The following ZNF782 variants were observed in gnomAD, a reference collection of about 807,000 sequenced individuals.
ZNF782 encodes zinc finger protein 782.
ZNF782 carries 12 observed loss-of-function variants against 13.0 expected under a neutral mutation model. That is an observed-to-expected ratio of 0.92 (90% CI 0.59 to 1.50). ZNF782 has a LOEUF of 1.50. Among genes scored for constraint, ZNF782 ranks in the 40% most tolerant of loss-of-function variants. The pLI, the probability that ZNF782 is intolerant of heterozygous loss-of-function variation, is 0.00. For missense variants in ZNF782, 770 were observed against 822.9 expected, an observed-to-expected ratio of 0.94 and a Z score of 0.79; for synonymous variants, 284 against 283.0, an observed-to-expected ratio of 1.00 and a Z score of -0.04.
the ZNF782 span, among the ~76,000 whole-genome samples, chr9:96,923,366 C>G: frequency 6.7e-6 from 1 of 149,864 alleles, no homozygotes; most frequent in East Asian, 2.3e-4. Context: ...TTTTCCAAGA[C>G]ACAGAATCAT....
the ZNF782 span, among the ~76,000 whole-genome samples, chr9:96,930,339 T>C: frequency 6.6e-6 from 1 of 152,016 alleles, no homozygotes; most frequent in Non-Finnish European, 1.5e-5. Flanking sequence ...GCCTGACCAA[T>C]ATGGTGAAAC....
At chr9:96,932,879 C>A in the ZNF782 span, among the ~76,000 whole-genome samples, 1 of 151,802 alleles carries the variant, frequency 6.6e-6, no homozygotes, top group Non-Finnish European at 1.5e-5. Context: ...GAACTCCCGA[C>A]CTCAGTTGAT....
chr9:96,892,809 A>C, the ZNF782 span: 1 of 152,144 alleles, frequency 6.6e-6, no homozygotes. Flanking sequence ...ATTCGTGAAC[A>C]TTTAAAAATG....
the ZNF782 span, among the ~76,000 whole-genome samples, chr9:96,882,548 G>A: frequency 6.6e-6 from 1 of 151,916 alleles, no homozygotes; most frequent in African/African-American, 2.4e-5. Context: ...TATTATAAAT[G>A]TACTCCCATT....
intron 5 of ZNF782, among the ~76,000 whole-genome samples, chr9:96,822,191 G>C (rs1031059094): frequency 2.0e-5 from 3 of 152,084 alleles, no homozygotes; most frequent in Non-Finnish European, 2.9e-5. Flanking sequence ...AATTTGACTG[G>C]GGTGTTTGCA....
the ZNF782 span, among the ~76,000 whole-genome samples, chr9:96,907,571 T>C: frequency 6.6e-6 from 1 of 152,292 alleles, no homozygotes; most frequent in East Asian, 1.9e-4. Context: ...TTCTGTTCCA[T>C]TGATCTATAT....
At chr9:96,910,722 C>G in the ZNF782 span, among the ~76,000 whole-genome samples, 1 of 149,246 alleles carries the variant, frequency 6.7e-6, no homozygotes, top group African/African-American at 2.4e-5. Context: ...CTGCAAGTTC[C>G]TCCTCCCGGG....
chr9:96,930,429 C>A, the ZNF782 span, among the ~76,000 whole-genome samples: 3 of 149,194 alleles, frequency 2.0e-5, no homozygotes, highest in East Asian at 2.0e-4. Flanking sequence ...GAGGCTGAGG[C>A]AGGAGAAGTG....
the ZNF782 span, among the ~76,000 whole-genome samples, chr9:96,896,465 G>T: frequency 6.6e-6 from 1 of 152,076 alleles, no homozygotes; most frequent in East Asian, 1.9e-4. Context: ...CATGTCAGAG[G>T]GTGGAAAATA....
intron 4 of ZNF782, among the ~76,000 whole-genome samples, chr9:96,842,547 C>T (rs144448277): frequency 6.6e-6 from 1 of 152,026 alleles, no homozygotes; most frequent in East Asian, 1.9e-4. Context: ...TCTCAACTTA[C>T]ACTTCATGCC....
chr9:96,851,826 CTG>C (rs1851495784), intron 3 of ZNF782, 119 bp downstream of exon 3: 2 of 1,025,864 alleles, frequency 1.9e-6, no homozygotes, highest in South Asian at 2.9e-5. Flanking sequence ...CATGGTGAAA[CTG>C]TATATATTTT....
chr9:96,930,870 TG>T, the ZNF782 span, among the ~76,000 whole-genome samples: 3 of 119,770 alleles, frequency 2.5e-5, no homozygotes, highest in African/African-American at 6.2e-5. Flanking sequence ...TTCCATCCAG[TG>T]GTTTTTTTTT....
At chr9:96,907,381 A>G in the ZNF782 span, among the ~76,000 whole-genome samples, 1 of 151,958 alleles carries the variant, frequency 6.6e-6, no homozygotes, top group East Asian at 2.0e-4. Flanking sequence ...ACGGAAATCG[A>G]GTTTGTTTTG....
At chr9:96,901,270 C>CTTTTTTT in the ZNF782 span, among the ~76,000 whole-genome samples, 2 of 126,918 alleles carry the variant, frequency 1.6e-5, no homozygotes, top group Non-Finnish European at 1.6e-5. Context: ...TGAAAAAAAA[C>CTTTTTTT]TTTTTTTTTT....
chr9:96,899,653 G>A, the ZNF782 span, among the ~76,000 whole-genome samples: 292 of 152,272 alleles, frequency 1.9e-3, no homozygotes, highest in Non-Finnish European at 3.1e-3. Context: ...CTAAAGGCCT[G>A]GTTGCCTTGA....
chr9:96,893,518 C>A, the ZNF782 span: 1 of 152,126 alleles, frequency 6.6e-6, no homozygotes, highest in East Asian at 1.9e-4. Flanking sequence ...ACTCAGCCAT[C>A]CCATTACTGG....
intron 5 of ZNF782, among the ~76,000 whole-genome samples, chr9:96,823,092 G>A (rs957973195): frequency 1.2e-4 from 18 of 152,284 alleles, no homozygotes; most frequent in Middle Eastern, 3.4e-3. Context: ...TAGAGCAGGA[G>A]TCAGTAAACT....
chr9:96,872,708 G>T lies in ZNF782; in HGVS notation c.-457+2760C>A, dbSNP rs539811065. 1.3e-4 allele frequency among the ~76,000 whole-genome samples: 20 copies of T among 152,146 alleles called. 1 individual carries two copies. In the South Asian group the frequency reaches 1.5e-3, roughly 11 times the overall value. ...TGCCTCTATGTAAGACATAATATTT[G>T]TTTTTTCTGGCTTAAGCTCTTTTCA... On this transcript the variant is annotated intron_variant, in intron 1 of 5. Transcript: ENST00000498811.
upstream of ZNF782, among the ~76,000 whole-genome samples, chr9:96,857,042 T>C (rs551705487): frequency 2.0e-5 from 3 of 152,286 alleles, no homozygotes; most frequent in African/African-American, 7.2e-5. Flanking sequence ...GTGCCCTATA[T>C]AGAAGGGTAA....
Sources: gnomAD v4.1 joint callset for allele counts (sites outside exome capture counted in the v4.1 genomes callset) on GRCh38, gnomAD v4.1.1 for gene constraint, MANE v1.5 for transcripts, NCBI Gene and HGNC (gene_info 2026-07-23, HGNC 2026-07-21) for gene names.